Variants in SAMMSON observed in about 807,000 individuals in gnomAD.
The protein encoded by SAMMSON is survival associated mitochondrial melanoma specific oncogenic non-coding RNA, also known as long intergenic non-protein coding RNA 1212.
chr3:70,137,139 G>A (rs2067509308), intron 4 of SAMMSON, among the ~76,000 whole-genome samples: 1 of 152,094 alleles, frequency 6.6e-6, no homozygotes, highest in Non-Finnish European at 1.5e-5. Flanking sequence ...TCCTTCTATA[G>A]TCCTTTGGTC....
chr3:70,265,529 A>C (rs1349099825), intron 6 of SAMMSON, among the ~76,000 whole-genome samples: 2 of 151,110 alleles, frequency 1.3e-5, no homozygotes, highest in Non-Finnish European at 3.0e-5. Context: ...TTCATGAGCG[A>C]ACCTTCCCAG....
intron 6 of SAMMSON, among the ~76,000 whole-genome samples, chr3:70,259,436 A>T (rs1392005075): frequency 6.6e-6 from 1 of 151,966 alleles, no homozygotes; most frequent in Non-Finnish European, 1.5e-5. Flanking sequence ...AAAGAAAGAA[A>T]GTAAGCACCA....
chr3:70,199,690 A>G (rs1202878920), intron 4 of SAMMSON, among the ~76,000 whole-genome samples: 1 of 152,252 alleles, frequency 6.6e-6, no homozygotes, highest in East Asian at 1.9e-4. Flanking sequence ...TCAGGGGAAA[A>G]TTTGCAACTG....
At chr3:70,044,137 G>A (rs1342089832) in intron 3 of SAMMSON, among the ~76,000 whole-genome samples, 2 of 151,844 alleles carry the variant, frequency 1.3e-5, no homozygotes, top group Non-Finnish European at 2.9e-5. Context: ...TTACTTTATG[G>A]CATTACCAAT....
intron 3 of SAMMSON, among the ~76,000 whole-genome samples, chr3:70,066,498 A>T (rs1315325605): frequency 6.6e-6 from 1 of 152,132 alleles, no homozygotes. Flanking sequence ...GGGAAATTAT[A>T]TAACAGCCAT....
At chr3:70,121,305 G>A (rs2067432201) in intron 4 of SAMMSON, among the ~76,000 whole-genome samples, 1 of 152,074 alleles carries the variant, frequency 6.6e-6, no homozygotes, top group African/African-American at 2.4e-5. Flanking sequence ...CTGGCCCGAG[G>A]GTTGGGGACC....
At chr3:70,281,971 T>G (rs1361854693) in intron 6 of SAMMSON, among the ~76,000 whole-genome samples, 1 of 152,204 alleles carries the variant, frequency 6.6e-6, no homozygotes, top group African/African-American at 2.4e-5. Flanking sequence ...AGGCCAGTCC[T>G]GGCTTAGGAT....
intron 6 of SAMMSON, among the ~76,000 whole-genome samples, chr3:70,279,109 T>G (rs775343071): frequency 2.7e-5 from 4 of 150,428 alleles, no homozygotes; most frequent in Non-Finnish European, 5.9e-5. Context: ...ACATACTAGA[T>G]AGATTATTTC....
chr3:70,149,480 T>C (rs2067562863), intron 4 of SAMMSON, among the ~76,000 whole-genome samples: 1 of 152,008 alleles, frequency 6.6e-6, no homozygotes, highest in Non-Finnish European at 1.5e-5. Context: ...ATGCAAATTA[T>C]CAGGACCCAC....
chr3:70,224,586 T>C (rs1701487279), intron 4 of SAMMSON, among the ~76,000 whole-genome samples: 1 of 152,200 alleles, frequency 6.6e-6, no homozygotes, highest in Non-Finnish European at 1.5e-5. Flanking sequence ...AGTGTCTGAC[T>C]TTACAACTGC....
intron 2 of SAMMSON, among the ~76,000 whole-genome samples, chr3:70,425,986 T>G (rs1426452831): frequency 1.3e-5 from 2 of 152,190 alleles, no homozygotes; most frequent in Admixed American, 1.3e-4. Context: ...TCATTCTAAA[T>G]GTATAGCTCC....
chr3:70,126,091 A>G, intron 4 of SAMMSON: 3 of 1,229,496 alleles, frequency 2.4e-6, no homozygotes, highest in Non-Finnish European at 3.5e-6. Flanking sequence ...CACGCTTGCC[A>G]AAGCATTTAC....
At chr3:70,383,986 A>G (rs920505958) in intron 9 of SAMMSON, among the ~76,000 whole-genome samples, 2 of 151,790 alleles carry the variant, frequency 1.3e-5, no homozygotes, top group Non-Finnish European at 2.9e-5. Context: ...AATTTTTTTT[A>G]CCCTGGATGT....
chr3:70,360,777 A>G (rs1395580350), intron 9 of SAMMSON, among the ~76,000 whole-genome samples: 1 of 152,168 alleles, frequency 6.6e-6, no homozygotes, highest in East Asian at 1.9e-4. Flanking sequence ...TATTTTGGAA[A>G]AGTTTGTATG....
chr3:70,140,831 C>G (rs2067524803), intron 4 of SAMMSON, among the ~76,000 whole-genome samples: 1 of 152,142 alleles, frequency 6.6e-6, no homozygotes, highest in South Asian at 2.1e-4. Flanking sequence ...TGTTCCTCTT[C>G]CTCATTTCCA....
intron 3 of SAMMSON, among the ~76,000 whole-genome samples, chr3:70,018,162 C>G (rs941600332): frequency 6.6e-6 from 1 of 152,130 alleles, no homozygotes; most frequent in Admixed American, 6.5e-5. Context: ...AGGAATGGTA[C>G]CAGCTCCTTC....
At chr3:70,154,429 C>T (rs1360814730) in intron 4 of SAMMSON, among the ~76,000 whole-genome samples, 2 of 151,992 alleles carry the variant, frequency 1.3e-5, no homozygotes, top group Non-Finnish European at 2.9e-5. Flanking sequence ...GCTGTCTGGT[C>T]CCAGAGGCTG....
chr3:70,139,114 A>C (rs546438928), intron 4 of SAMMSON, among the ~76,000 whole-genome samples: 1 of 152,330 alleles, frequency 6.6e-6, no homozygotes, highest in South Asian at 2.1e-4. Context: ...TGCTATAAGT[A>C]TCAAATCTAT....
In SAMMSON at chr3:70,212,999, C is replaced by T. The variant is rs145329697; in HGVS notation, n.508-36108C>T. On this transcript the variant is annotated intron_variant and non_coding_transcript_variant, in intron 4 of 9. Coordinates refer to ENST00000642114, the Ensembl canonical transcript of SAMMSON. The stretch of plus-strand genomic sequence containing the variant: ...ATTATTTGTATTTTGTGCAGAGACT[C>T]GGTTTCACCATGCTGCCTGGGCTGG... Among the ~76,000 whole-genome samples the T allele has an allele frequency of 4.3e-4, 65 of 152,062 alleles. 1 individual carries two copies. In the East Asian group the frequency reaches 0.011, roughly 27 times the overall value.
Sources: gnomAD v4.1 joint callset for allele counts (sites outside exome capture counted in the v4.1 genomes callset) on GRCh38, gnomAD v4.1.1 for gene constraint, MANE v1.5 for transcripts, NCBI Gene and HGNC (gene_info 2026-07-23, HGNC 2026-07-21) for gene names.